SNTG1: variants seen among roughly 807,000 people sequenced by gnomAD.
SNTG1 encodes the protein gamma-1-syntrophin.
A neutral mutation model predicts 74.7 loss-of-function variants in SNTG1; 39 were observed. The observed-to-expected ratio is 0.52, with a 90% confidence interval of 0.40 to 0.68. The LOEUF is 0.68. Ranked by LOEUF, SNTG1 falls within the 30% of genes least tolerant of loss-of-function variation. The pLI is 0.00. For missense variants in SNTG1, 685 were observed against 609.5 expected (o/e 1.12, Z -1.30); for synonymous variants, 254 against 217.1 (o/e 1.17, Z -1.49).
chr8:50,721,870 G>A (rs567487574), intron 17 of SNTG1, among the ~76,000 whole-genome samples: 1 of 151,850 alleles, frequency 6.6e-6, no homozygotes, highest in African/African-American at 2.4e-5. Flanking sequence ...AAATAACAAA[G>A]ATGTTGCTTC....
chr8:50,421,088 G>A (rs2093080240), intron 4 of SNTG1, among the ~76,000 whole-genome samples: 1 of 139,110 alleles, frequency 7.2e-6, no homozygotes, highest in African/African-American at 2.6e-5. Context: ...TTAAATGAAA[G>A]TAAGGTTTCT....
chr8:50,340,900 A>G (rs2091296463), intron 2 of SNTG1, among the ~76,000 whole-genome samples: 1 of 151,976 alleles, frequency 6.6e-6, no homozygotes, highest in Non-Finnish European at 1.5e-5. Flanking sequence ...GTTTAATGAC[A>G]ATTTGCAGAG....
intron 2 of SNTG1, among the ~76,000 whole-genome samples, chr8:50,315,178 G>A (rs2090269087): frequency 6.7e-6 from 1 of 149,694 alleles, no homozygotes; most frequent in Admixed American, 6.8e-5. Context: ...TAGAGCTGCA[G>A]TGGTCACTGA....
chr8:50,102,387 C>G (rs982750037), intron 1 of SNTG1, among the ~76,000 whole-genome samples: 13 of 151,574 alleles, frequency 8.6e-5, no homozygotes, highest in Non-Finnish European at 1.2e-4. Flanking sequence ...ATGTCCTTCA[C>G]CCACTTTTTG....
intron 18 of SNTG1, among the ~76,000 whole-genome samples, chr8:50,771,784 C>G (rs557571868): frequency 6.6e-6 from 1 of 152,158 alleles, no homozygotes; most frequent in East Asian, 2.0e-4. Flanking sequence ...TGTTGAAGTC[C>G]TGTGCTGCCT....
intron 18 of SNTG1, among the ~76,000 whole-genome samples, chr8:50,770,724 T>A (rs2095624949): frequency 6.6e-6 from 1 of 152,078 alleles, no homozygotes. Flanking sequence ...TGGGTCATAG[T>A]GGTGAATAAT....
intron 2 of SNTG1, among the ~76,000 whole-genome samples, chr8:50,255,853 A>G (rs1268636134): frequency 6.6e-6 from 1 of 152,086 alleles, no homozygotes; most frequent in African/African-American, 2.4e-5. Flanking sequence ...GGGGGTGGGG[A>G]GACACCATGC....
chr8:50,506,203 A>G (rs775182333), intron 9 of SNTG1, among the ~76,000 whole-genome samples: 14 of 152,028 alleles, frequency 9.2e-5, no homozygotes, highest in Non-Finnish European at 1.5e-4. Flanking sequence ...CCATTGTTCT[A>G]TGTGTCTGCA....
At position 50,795,193 on chromosome 8, in the gene SNTG1, A is replaced by T. The variant is rs2131884746; in HGVS notation, c.*2364A>T. 1 of 152,130 alleles carries T rather than the reference A, an allele frequency of 6.6e-6. No individual in the cohort carries two copies. The highest frequency in any genetic ancestry group is 1.9e-4 in the East Asian group (1 of 5,178). The allele number at this position is 152,130 out of a possible 1,614,324, so 9.4% of individuals were successfully genotyped here. ...TTGATTAAAAACTTATGACAATACCATTATGAATATTTTTGATACTATTGA... is the reference window on the plus strand; with the variant it reads ...TTGATTAAAAACTTATGACAATACCTTTATGAATATTTTTGATACTATTGA... On this transcript the variant is annotated 3_prime_UTR_variant, in exon 19 of 19. Transcript: ENST00000642720.
intron 1 of SNTG1, among the ~76,000 whole-genome samples, chr8:50,098,093 A>T (rs990875326): frequency 1.3e-5 from 2 of 152,182 alleles, no homozygotes; most frequent in African/African-American, 4.8e-5. Flanking sequence ...AGATTAATTA[A>T]AACATAGCTC....
intron 18 of SNTG1, among the ~76,000 whole-genome samples, chr8:50,785,487 G>A (rs2095672101): frequency 6.6e-6 from 1 of 151,898 alleles, no homozygotes; most frequent in South Asian, 2.1e-4. Flanking sequence ...TCAATAATTG[G>A]AATATACCTA....
chr8:50,405,691 A>G (rs1353080577), intron 4 of SNTG1, among the ~76,000 whole-genome samples: 1 of 152,060 alleles, frequency 6.6e-6, no homozygotes, highest in Non-Finnish European at 1.5e-5. Flanking sequence ...CGTACCTTTT[A>G]TACCATCTCC....
intron 2 of SNTG1, among the ~76,000 whole-genome samples, chr8:50,366,911 A>G (rs1053651746): frequency 1.5e-4 from 22 of 147,788 alleles, no homozygotes; most frequent in African/African-American, 5.2e-4. Context: ...TATATAATAT[A>G]GTATAGGTCT....
chr8:50,151,966 G>C (rs1279238749), intron 1 of SNTG1, among the ~76,000 whole-genome samples: 1 of 152,124 alleles, frequency 6.6e-6, no homozygotes, highest in Non-Finnish European at 1.5e-5. Context: ...GGATATCCTT[G>C]TTAACTTTCT....
At chr8:50,570,585 A>ATTATTGTTGTTG (rs1554577422) in intron 12 of SNTG1, among the ~76,000 whole-genome samples, 7 of 127,112 alleles carry the variant, frequency 5.5e-5, no homozygotes, top group Admixed American at 8.2e-5. Flanking sequence ...TATTATTATT[A>ATTATTGTTGTTG]TTGTTGTTAT....
chr8:50,243,989 T>A (rs1218830045), intron 2 of SNTG1, among the ~76,000 whole-genome samples: 2 of 152,116 alleles, frequency 1.3e-5, no homozygotes, highest in African/African-American at 4.8e-5. Flanking sequence ...TACCTGAGAC[T>A]GGGTGATTTA....
In SNTG1 at chr8:50,274,136, G is replaced by A. The variant is rs2087947262; in HGVS notation, c.-28+101501G>A. The stretch of plus-strand genomic sequence containing the variant: ...GGAGTCTCGCTCTGTTACCCAGGCT[G>A]GAGTGCAATGGCGAGATCTTGGCTC... On this transcript the variant is annotated intron_variant, in intron 2 of 18. Coordinates refer to ENST00000642720, the MANE Select transcript of SNTG1 (RefSeq NM_018967.5). Among the ~76,000 whole-genome samples, 6 of 152,058 alleles carry A rather than the reference G, an allele frequency of 3.9e-5. No homozygotes were observed. In the South Asian group the frequency reaches 1.2e-3, roughly 32 times the overall value.
intron 1 of SNTG1, among the ~76,000 whole-genome samples, chr8:49,979,195 G>A (rs150108090): frequency 3.9e-5 from 6 of 152,330 alleles, no homozygotes; most frequent in Admixed American, 3.3e-4. Flanking sequence ...GTTCACAATG[G>A]CGAGACGCAG....
At chr8:50,299,436 C>T (rs1275648395) in intron 2 of SNTG1, among the ~76,000 whole-genome samples, 1 of 152,058 alleles carries the variant, frequency 6.6e-6, no homozygotes, top group Non-Finnish European at 1.5e-5. Context: ...GAGGGGCATT[C>T]AAGTAAACTC....
Sources: gnomAD v4.1 joint callset for allele counts (sites outside exome capture counted in the v4.1 genomes callset) on GRCh38, gnomAD v4.1.1 for gene constraint, MANE v1.5 for transcripts, NCBI Gene and HGNC (gene_info 2026-07-23, HGNC 2026-07-21) for gene names.